The following FCHSD2 variants were observed in gnomAD, a reference collection of about 807,000 sequenced individuals.
FCHSD2 encodes F-BAR and double SH3 domains protein 2.
FCHSD2 carries 38 observed loss-of-function variants against 108.1 expected under a neutral mutation model. The observed-to-expected ratio is 0.35, with a 90% CI of 0.27 to 0.46. The LOEUF is 0.46. Ranked by LOEUF, FCHSD2 falls within the 20% of genes least tolerant of loss-of-function variation. The pLI is 1.00. For missense variants in FCHSD2, 751 were observed against 897.8 expected, an observed-to-expected ratio of 0.84 and a Z score of 2.09; for synonymous variants, 279 against 314.7, an observed-to-expected ratio of 0.89 and a Z score of 1.20.
chr11:72,930,580 A>G (rs1856169129), intron 8 of FCHSD2, among the ~76,000 whole-genome samples: 1 of 152,098 alleles, frequency 6.6e-6, no homozygotes, highest in Non-Finnish European at 1.5e-5. Flanking sequence ...CCCCGTCTCT[A>G]CCAAAAATAC....
intron 3 of FCHSD2, among the ~76,000 whole-genome samples, chr11:73,062,823 GA>G (rs1696067381): frequency 6.6e-6 from 1 of 152,216 alleles, no homozygotes; most frequent in Admixed American, 6.5e-5. Flanking sequence ...TGGTGTATCT[GA>G]AAGGGACAAG....
intron 10 of FCHSD2, 42 bp from the exon 11 acceptor site, chr11:72,889,987 T>G: frequency 7.9e-7 from 1 of 1,260,180 alleles, no homozygotes; most frequent in East Asian, 2.3e-5. Flanking sequence ...ATTGCTATCC[T>G]TATTGTAACC....
chr11:73,063,009 A>C (rs1277808353), intron 3 of FCHSD2, among the ~76,000 whole-genome samples: 1 of 152,194 alleles, frequency 6.6e-6, no homozygotes, highest in African/African-American at 2.4e-5. Flanking sequence ...GGCTGAAATG[A>C]AGGAAAAAAT....
chr11:72,909,110 C>T (rs907789688), intron 9 of FCHSD2, among the ~76,000 whole-genome samples: 6 of 152,288 alleles, frequency 3.9e-5, no homozygotes, highest in East Asian at 1.9e-4. Flanking sequence ...GATCTCAGCT[C>T]GCTGCAACCT....
At chr11:72,980,835 T>C (rs1857202992) in intron 8 of FCHSD2, among the ~76,000 whole-genome samples, 1 of 152,130 alleles carries the variant, frequency 6.6e-6, no homozygotes, top group South Asian at 2.1e-4. Flanking sequence ...CTTACTCATC[T>C]GTCTCTTCCC....
chr11:73,073,282 A>C (rs1334491855), intron 3 of FCHSD2, among the ~76,000 whole-genome samples: 1 of 152,220 alleles, frequency 6.6e-6, no homozygotes, highest in Admixed American at 6.5e-5. Context: ...GTAGAAACAG[A>C]TATGCAATAC....
intron 4 of FCHSD2, among the ~76,000 whole-genome samples, chr11:73,006,306 T>C (rs1270153059): frequency 1.3e-5 from 2 of 152,136 alleles, no homozygotes; most frequent in East Asian, 3.8e-4. Context: ...CCTTTACACC[T>C]AACATGTACA....
chr11:72,988,656 C>G (rs1245590982), intron 6 of FCHSD2, among the ~76,000 whole-genome samples: 1 of 152,128 alleles, frequency 6.6e-6, no homozygotes, highest in Non-Finnish European at 1.5e-5. Context: ...TATTCAGACA[C>G]CATAGCAGTG....
rs59748827 is a variant in FCHSD2, at chr11:72,841,340, CAAAAAAAAAAAAAAAAA to C, written c.2056+97_2056+113del. ...GCCCAGGTGACAGAGACTCTGTCTC[CAAAAAAAAAAAAAAAAA>C]AAAAAAAGCAAATGCAGTTTTTTTT... On this transcript the variant is annotated intron_variant, in intron 18 of 19. Coordinates refer to ENST00000409418, the MANE Select transcript of FCHSD2 (RefSeq NM_014824.3). 1.1e-5 allele frequency: 4 copies of C among 371,390 alleles called. No homozygotes were observed. The East Asian group carries it at 2.8e-4, about 26-fold the overall frequency. The allele number at this position is 371,390 out of a possible 1,614,324, so 23.0% of individuals were successfully genotyped here.
chr11:73,089,436 T>G (rs2135520317), intron 2 of FCHSD2, among the ~76,000 whole-genome samples: 1 of 152,334 alleles, frequency 6.6e-6, no homozygotes, highest in African/African-American at 2.4e-5. Flanking sequence ...CCTAGGTGTA[T>G]ATCCATGAAA....
chr11:73,020,182 A>G (rs539616130), intron 3 of FCHSD2, among the ~76,000 whole-genome samples: 2 of 152,322 alleles, frequency 1.3e-5, no homozygotes, highest in African/African-American at 2.4e-5. Context: ...TTACCTCTCA[A>G]TAACACTTGC....
chr11:73,046,863 G>A (rs935801650), intron 3 of FCHSD2, among the ~76,000 whole-genome samples: 5 of 152,126 alleles, frequency 3.3e-5, no homozygotes, highest in Admixed American at 6.5e-5. Flanking sequence ...GATTACAATC[G>A]TAAGCTACCA....
chr11:72,919,124 T>TA (rs561553137), intron 9 of FCHSD2, among the ~76,000 whole-genome samples: 1 of 151,838 alleles, frequency 6.6e-6, no homozygotes, highest in South Asian at 2.1e-4. Context: ...TAATATAAAA[T>TA]AAAAAAAATC....
At chr11:73,107,910 G>A (rs941193036) in intron 2 of FCHSD2, among the ~76,000 whole-genome samples, 2 of 152,060 alleles carry the variant, frequency 1.3e-5, no homozygotes, top group African/African-American at 4.8e-5. Context: ...AATCGACATG[G>A]GTATCTTTTG....
Position 72,842,602 on chromosome 11 carries a change from TG to T in FCHSD2, c.1926+18del, listed in dbSNP as rs1860996569. On this transcript the variant is annotated intron_variant, in intron 17 of 19. Coordinates refer to ENST00000409418, the MANE Select transcript of FCHSD2 (RefSeq NM_014824.3). The stretch of plus-strand genomic sequence containing the variant: ...TTCTTTAAACATCTTTTAATTCAAC[TG>T]TCTCCCCTCTCAGGTACCTGAATCT... 1 of 1,613,458 alleles carries T rather than the reference TG, an allele frequency of 6.2e-7. No individual in the cohort carries two copies. The highest frequency in any genetic ancestry group is 1.3e-5 in the African/African-American group (1 of 74,884).
chr11:72,879,240 A>C (rs983270080), intron 12 of FCHSD2, among the ~76,000 whole-genome samples: 2 of 152,250 alleles, frequency 1.3e-5, no homozygotes, highest in African/African-American at 2.4e-5. Flanking sequence ...ACATTAACCC[A>C]AACAAAGCTT....
At chr11:73,094,055 A>G (rs1489944598) in intron 2 of FCHSD2, among the ~76,000 whole-genome samples, 1 of 152,134 alleles carries the variant, frequency 6.6e-6, no homozygotes, top group African/African-American at 2.4e-5. Context: ...TACTAAAAAT[A>G]CAAAACTTAG....
At chr11:72,873,825 G>A (rs901233411) in intron 12 of FCHSD2, among the ~76,000 whole-genome samples, 6 of 152,112 alleles carry the variant, frequency 3.9e-5, no homozygotes, top group Admixed American at 6.5e-5. Context: ...GGGTTCCTAC[G>A]TAAGCAAACC....
At chr11:73,046,261 G>GGGTAA (rs1164889658) in intron 3 of FCHSD2, among the ~76,000 whole-genome samples, 2 of 151,778 alleles carry the variant, frequency 1.3e-5, no homozygotes, top group Admixed American at 6.6e-5. Flanking sequence ...CAAAGCACTG[G>GGGTAA]GATTACAGGT....
Sources: allele counts gnomAD v4.1 joint callset (sites outside exome capture counted in the v4.1 genomes callset), GRCh38; gene constraint gnomAD v4.1.1; transcripts MANE v1.5; gene names NCBI Gene and HGNC (gene_info 2026-07-23, HGNC 2026-07-21).